Variants in GRM3 observed in about 807,000 individuals in gnomAD.
GRM3 encodes the protein metabotropic glutamate receptor 3.
In GRM3, 26 loss-of-function variants were observed where a neutral mutation model predicts 70.5. The ratio of observed to expected loss-of-function variants is 0.37; its 90% confidence interval spans 0.27 to 0.51. The LOEUF (loss-of-function observed/expected upper bound fraction) is 0.51, where lower values mean the gene tolerates loss of function less well. Ranked by LOEUF, GRM3 falls within the 20% of genes least tolerant of loss-of-function variation. GRM3 has a pLI of 0.93. For missense variants in GRM3, 859 were observed against 1,123.8 expected (o/e 0.76, Z 3.37); for synonymous variants, 443 against 434.9 (o/e 1.02, Z -0.23).
chr7:86,764,523 T>C (rs944334035), intron 1 of GRM3, among the ~76,000 whole-genome samples: 3 of 151,988 alleles, frequency 2.0e-5, no homozygotes, highest in Admixed American at 6.6e-5. Flanking sequence ...AATGCAGAAA[T>C]GGTAACAGAG....
intron 1 of GRM3, among the ~76,000 whole-genome samples, chr7:86,693,967 T>TTTCATG (rs563850542): frequency 4.6e-5 from 7 of 152,328 alleles, no homozygotes; most frequent in Admixed American, 4.6e-4. Flanking sequence ...CAATTTCATG[T>TTTCATG]TTCATACAGG....
intron 1 of GRM3, among the ~76,000 whole-genome samples, chr7:86,729,041 T>C (rs1795659078): frequency 6.6e-6 from 1 of 152,230 alleles, no homozygotes; most frequent in Non-Finnish European, 1.5e-5. Context: ...TCTGCTTTCG[T>C]TCCACCTTTG....
Position 86,850,354 on chromosome 7 carries a change from C to T in GRM3, c.2392-16C>T, listed in dbSNP as rs758329758. On this transcript the variant is annotated splice_polypyrimidine_tract_variant and intron_variant, in intron 4 of 5. Transcript: ENST00000361669. ...AATGTACAGCCAGACACTTACTAGC[C>T]AACCTTCTCTTGTAGGTGCAGACGA... 6 of 1,603,508 alleles carry T rather than the reference C, an allele frequency of 3.7e-6. No individual in the cohort carries two copies. In the East Asian group the frequency reaches 1.3e-4, roughly 36 times the overall value.
At chr7:86,648,742 A>C (rs1238456282) in intron 1 of GRM3, among the ~76,000 whole-genome samples, 1 of 152,190 alleles carries the variant, frequency 6.6e-6, no homozygotes, top group South Asian at 2.1e-4. Flanking sequence ...AAAAAAACAT[A>C]AAAAAACAGG....
intron 1 of GRM3, among the ~76,000 whole-genome samples, chr7:86,726,893 G>A (rs560718449): frequency 2.6e-5 from 4 of 152,218 alleles, no homozygotes; most frequent in Admixed American, 1.3e-4. Flanking sequence ...CTCAGTACTG[G>A]CAATAAGGAA....
intron 1 of GRM3, among the ~76,000 whole-genome samples, chr7:86,748,811 A>G (rs1209761008): frequency 4.6e-5 from 7 of 152,080 alleles, no homozygotes; most frequent in Non-Finnish European, 1.0e-4. Context: ...CAAAGTCCTC[A>G]AAAGAATACT....
chr7:86,820,459 T>C (rs1389453803), intron 3 of GRM3, among the ~76,000 whole-genome samples: 1 of 152,138 alleles, frequency 6.6e-6, no homozygotes, highest in Non-Finnish European at 1.5e-5. Flanking sequence ...ATGCAGCAGG[T>C]AGTACATATT....
intron 1 of GRM3, among the ~76,000 whole-genome samples, chr7:86,699,144 T>G (rs1322681398): frequency 6.6e-6 from 1 of 152,060 alleles, no homozygotes; most frequent in Non-Finnish European, 1.5e-5. Context: ...CGTTTGAGCT[T>G]ATTAATTAGG....
intron 1 of GRM3, among the ~76,000 whole-genome samples, chr7:86,711,672 T>C (rs1310498008): frequency 6.6e-6 from 1 of 152,122 alleles, no homozygotes; most frequent in African/African-American, 2.4e-5. Context: ...TTCACCATCA[T>C]CACAACTTAT....
At position 86,793,016 on chromosome 7, in the gene GRM3, CTTTT is replaced by C. The variant is rs140134217; in HGVS notation, c.1324+5920_1324+5923del. On this transcript the variant is annotated intron_variant, in intron 3 of 5. Transcript: ENST00000361669. The stretch of plus-strand genomic sequence containing the variant: ...TTGGCTTAGTTCATTGGTTGGTTGC[CTTTT>C]TTTTTTTTTTTTTTTTTTTGCTACC... Among the ~76,000 whole-genome samples, 668 of 94,342 alleles carry C rather than the reference CTTTT, an allele frequency of 7.1e-3. 2 individuals carry two copies. Among genetic ancestry groups the C allele is most frequent in the Non-Finnish European group, 9.2e-3 (453 of 49,030 alleles). The allele number at this position is 94,342 out of a possible 152,430, so 61.9% of individuals were successfully genotyped here. A position where few individuals can be genotyped will look rare whatever the true frequency, so the allele number is the denominator to read the frequency against.
At chr7:86,830,939 A>C (rs1798338924) in intron 3 of GRM3, among the ~76,000 whole-genome samples, 1 of 152,208 alleles carries the variant, frequency 6.6e-6, no homozygotes, top group South Asian at 2.1e-4. Context: ...GTGGAAGATC[A>C]GAGTAATGCA....
intron 1 of GRM3, among the ~76,000 whole-genome samples, chr7:86,724,485 C>A (rs188823363): frequency 3.3e-4 from 50 of 152,162 alleles, no homozygotes; most frequent in African/African-American, 1.1e-3. Flanking sequence ...TTCCTAGGAG[C>A]CCTTTACATT....
chr7:86,681,559 AC>A (rs1291276071), intron 1 of GRM3, among the ~76,000 whole-genome samples: 1 of 152,048 alleles, frequency 6.6e-6, no homozygotes, highest in Non-Finnish European at 1.5e-5. Context: ...TTTAGCAAAG[AC>A]TTTGGTGGCT....
In GRM3 at chr7:86,774,468, T is replaced by C. The variant is rs577010559; in HGVS notation, c.468+8855T>C. 1.1e-3 allele frequency among the ~76,000 whole-genome samples: 160 copies of C among 152,270 alleles called. 2 individuals carry two copies. The highest frequency in any genetic ancestry group is 9.6e-3 in the Admixed American group (147 of 15,272). ...ATTTTTGACAACACCACCTGGTATA[T>C]TGTGGAAATCCCTTTGTTACTAGTA... On this transcript the variant is annotated intron_variant, in intron 2 of 5. Coordinates refer to ENST00000361669, the MANE Select transcript of GRM3 (RefSeq NM_000840.3).
intron 3 of GRM3, among the ~76,000 whole-genome samples, chr7:86,817,634 C>T (rs1050450269): frequency 3.3e-5 from 5 of 151,898 alleles, no homozygotes. Context: ...GAAAATATTT[C>T]TCAGATTTTC....
At chr7:86,783,222 A>G (rs544037924) in intron 2 of GRM3, among the ~76,000 whole-genome samples, 51 of 152,308 alleles carry the variant, frequency 3.3e-4, no homozygotes, top group African/African-American at 1.0e-3. Flanking sequence ...TATGGTGTAT[A>G]CCATAATATT....
chr7:86,748,706 G>A (rs1163976232), intron 1 of GRM3, among the ~76,000 whole-genome samples: 1 of 151,984 alleles, frequency 6.6e-6, no homozygotes, highest in Non-Finnish European at 1.5e-5. Context: ...TTAGAGAATG[G>A]AGCAGTGGGA....
At chr7:86,762,700 G>A (rs939432019) in intron 1 of GRM3, among the ~76,000 whole-genome samples, 4 of 152,150 alleles carry the variant, frequency 2.6e-5, no homozygotes, top group Non-Finnish European at 5.9e-5. Flanking sequence ...TTGGGGAAGG[G>A]AGATAAGACA....
At chr7:86,725,851 CAGA>C (rs1239113107) in intron 1 of GRM3, among the ~76,000 whole-genome samples, 1 of 152,056 alleles carries the variant, frequency 6.6e-6, no homozygotes, top group Non-Finnish European at 1.5e-5. Context: ...CCTCACATGG[CAGA>C]AGAAGGGGGA....
Sources: gnomAD v4.1 joint callset for allele counts (sites outside exome capture counted in the v4.1 genomes callset) on GRCh38, gnomAD v4.1.1 for gene constraint, MANE v1.5 for transcripts, NCBI Gene and HGNC (gene_info 2026-07-23, HGNC 2026-07-21) for gene names.